Variants in UGT2A2 observed in about 807,000 individuals in gnomAD.
UGT2A2 encodes UDP glucuronosyltransferase family 2 member A2.
Under a neutral mutation model 50.7 loss-of-function variants are expected in UGT2A2, and 60 were observed. That is an observed-to-expected ratio of 1.18 (90% CI 0.96 to 1.47). The LOEUF (loss-of-function observed/expected upper bound fraction) is 1.47, where lower values mean the gene tolerates loss of function less well. UGT2A2 is among the 40% of genes most tolerant of loss of function. UGT2A2 has a pLI of 0.00. For synonymous variants in UGT2A2, 242 were observed against 214.6 expected (o/e 1.13, Z -1.11); for missense variants, 762 against 634.0 (o/e 1.20, Z -2.17).
At chr4:69,617,976 C>T (rs1027507219) in intron 1 of UGT2A2, among the ~76,000 whole-genome samples, 8 of 151,676 alleles carry the variant, frequency 5.3e-5, no homozygotes, top group East Asian at 3.9e-4. Context: ...ATATGTCTTT[C>T]GGAAATCATT....
At chr4:69,611,519 G>C (rs1265210677) in intron 1 of UGT2A2, among the ~76,000 whole-genome samples, 1 of 152,000 alleles carries the variant, frequency 6.6e-6, no homozygotes, top group African/African-American at 2.4e-5. Context: ...TTTAAATGAA[G>C]AGTAATGCTA....
intron 1 of UGT2A2, among the ~76,000 whole-genome samples, chr4:69,629,700 A>G (rs1721283071): frequency 6.6e-6 from 1 of 152,066 alleles, no homozygotes; most frequent in South Asian, 2.1e-4. Context: ...CTACTGGAAG[A>G]GGACCCCTGC....
At chr4:69,620,737 A>T (rs2109935488) in intron 1 of UGT2A2, among the ~76,000 whole-genome samples, 1 of 152,058 alleles carries the variant, frequency 6.6e-6, no homozygotes, top group East Asian at 1.9e-4. Flanking sequence ...TCCAACTTTA[A>T]ACTATACTAC....
chr4:69,625,508 A>G (rs1721004980), intron 1 of UGT2A2, among the ~76,000 whole-genome samples: 2 of 151,128 alleles, frequency 1.3e-5, no homozygotes, highest in Admixed American at 1.3e-4. Flanking sequence ...ATATCTTTAA[A>G]TTCTTTTTTT....
Position 69,596,345 on chromosome 4 carries a change from C to A in UGT2A2, c.928G>T (p.Gly310Cys). 6.2e-7 allele frequency: 1 copy of A among 1,604,412 alleles called. No individual in the cohort carries two copies. Reference sequence around the variant, plus strand: ...GATCCCAGAGAAAACACCACAACACCATTTTTACCTGAGCTCTGGATAAAT... The same window carrying A: ...GATCCCAGAGAAAACACCACAACACAATTTTTACCTGAGCTCTGGATAAAT... ...EEFIQSSGKN[G>C]VVVFSLGSMV... is the part of the protein sequence containing the mutation. Residue 310 changes from glycine (G) to cysteine (C), a missense_variant, in exon 3 of 6, where the codon GGT (glycine) becomes TGT (cysteine). Transcript: ENST00000604629.
rs144768656 is a variant in UGT2A2 at position 69,594,434 on chromosome 4, T to C, written c.1331+43A>G. 94 of 1,600,668 alleles carry C rather than the reference T, an allele frequency of 5.9e-5. No individual in the cohort carries two copies. In the African/African-American group the frequency reaches 1.2e-3, roughly 21 times the overall value. On this transcript the variant is annotated intron_variant, in intron 5 of 5. Coordinates refer to ENST00000604629, the MANE Select transcript of UGT2A2 (RefSeq NM_001105677.2). ...GTACATTTTCTGGTATTATGAATAA[T>C]GTAATTAAAGTTAGGCAAGTTTTTA... is the stretch of plus-strand genomic sequence containing the variant.
chr4:69,635,782 C>A, intron 1 of UGT2A2: 1 of 171,810 alleles, frequency 5.8e-6, no homozygotes, highest in South Asian at 7.4e-5. Flanking sequence ...AGCCAAGATC[C>A]GCCACTGCAC....
rs1230783750 is a variant in UGT2A2 at position 69,594,605 on chromosome 4, G to A, written c.1203C>T (p.Pro401=). ...IYHGVPMVGV[P]MFADQPDNIA... is the part of the protein sequence containing the mutation. ...TGTTATCAGGCTGATCAGCAAACAT[G>A]GGAACTCCCACCATAGGGACTCCGT... Residue 401 remains proline, a synonymous_variant, in exon 5 of 6, where the codon CCC becomes CCT. Coordinates refer to ENST00000604629, the MANE Select transcript of UGT2A2 (RefSeq NM_001105677.2). 2.5e-6 allele frequency: 4 copies of A among 1,614,106 alleles called. No homozygotes were observed. The South Asian group carries it at 3.3e-5, about 13-fold the overall frequency.
chr4:69,610,596 T>G (rs1719977446), intron 1 of UGT2A2, among the ~76,000 whole-genome samples: 1 of 152,212 alleles, frequency 6.6e-6, no homozygotes, highest in African/African-American at 2.4e-5. Context: ...GAAGCCTGAC[T>G]GTATTTGAAG....
At chr4:69,607,917 AC>A (rs2109909542) in intron 1 of UGT2A2, among the ~76,000 whole-genome samples, 1 of 152,318 alleles carries the variant, frequency 6.6e-6, no homozygotes, top group Admixed American at 6.5e-5. Context: ...AAGTCAGGAA[AC>A]AACAGGTGCT....
chr4:69,597,715 AACACAC>A (rs71671445), intron 2 of UGT2A2, among the ~76,000 whole-genome samples: 2 of 150,254 alleles, frequency 1.3e-5, no homozygotes, highest in Non-Finnish European at 3.0e-5. Flanking sequence ...TCATTAAAAT[AACACAC>A]ACACACACAC....
chr4:69,628,287 A>AG (rs1349944712), intron 1 of UGT2A2, among the ~76,000 whole-genome samples: 2 of 151,774 alleles, frequency 1.3e-5, no homozygotes, highest in Non-Finnish European at 2.9e-5. Context: ...GAGCCACAAA[A>AG]AAACAAATAT....
chr4:69,599,382 G>T lies in UGT2A2; in HGVS notation c.755C>A (p.Thr252Lys), dbSNP rs757111881. 25 of 1,613,218 alleles carry T rather than the reference G, an allele frequency of 1.5e-5. No individual in the cohort carries two copies. The highest frequency in any genetic ancestry group is 3.3e-4 in the Middle Eastern group (2 of 6,058). Reference sequence around the variant, plus strand: ...AGCTTTCCCCATAGTCTCACATAACGTAGTGGGTCTTCCTGGAGAAAATGT... The same window carrying T: ...AGCTTTCCCCATAGTCTCACATAACTTAGTGGGTCTTCCTGGAGAAAATGT... ...YYSKILGRPT[T>K]LCETMGKAEI... Residue 252 changes from threonine (T) to lysine (K), a missense_variant, in exon 2 of 6, where the codon ACG becomes AAG. Thr to Lys is a moderately conservative substitution (Grantham distance 78, BLOSUM62 -1). Transcript: ENST00000604629.
intron 1 of UGT2A2, among the ~76,000 whole-genome samples, chr4:69,617,362 C>T (rs371596980): frequency 2.6e-5 from 4 of 151,746 alleles, no homozygotes; most frequent in Admixed American, 6.6e-5. Context: ...ATTTTGTTGA[C>T]GGCGTAAAAA....
chr4:69,639,609 T>C lies in UGT2A2; in HGVS notation c.32A>G (p.Lys11Arg), dbSNP rs2109969943. MVSIRDFTMP[K>R]KFVQMLVFNL... is the part of the protein sequence containing the mutation. ...AAAAACCAGCATCTGGACAAACTTC[T>C]TAGGCATGGTAAAATCCCTTATGGA... is the stretch of plus-strand genomic sequence containing the variant. The change falls in exon 1 of 6, where the codon AAG becomes AGG. Residue 11 changes from lysine (K) to arginine (R), a missense_variant. By Grantham distance (26) the Lys-to-Arg change is conservative. Coordinates refer to ENST00000604629, the MANE Select transcript of UGT2A2 (RefSeq NM_001105677.2). 1.9e-6 allele frequency: 3 copies of C among 1,600,794 alleles called. No individual in the cohort carries two copies. The highest frequency in any genetic ancestry group is 1.7e-4 in the Middle Eastern group (1 of 5,934).
chr4:69,615,590 A>G (rs1560480123), intron 1 of UGT2A2, among the ~76,000 whole-genome samples: 1 of 152,058 alleles, frequency 6.6e-6, no homozygotes, highest in Admixed American at 6.6e-5. Context: ...TCAAAAGAAC[A>G]ACCAACAGGC....
In UGT2A2 at chr4:69,634,915, T is replaced by G. The variant is rs1436567487; in HGVS notation, c.742+3984A>C. ...TATTGTGCTGGAGTGTCTCATTAAC[T>G]GTTAAGAGATTTGTTTTCTTCATGG... On this transcript the variant is annotated intron_variant, in intron 1 of 5. Coordinates refer to ENST00000604629, the MANE Select transcript of UGT2A2 (RefSeq NM_001105677.2). Among the ~76,000 whole-genome samples the G allele has an allele frequency of 3.9e-4, 60 of 152,130 alleles. 1 individual carries two copies. Among genetic ancestry groups the G allele is most frequent in the Admixed American group, 3.9e-3 (60 of 15,276 alleles).
At chr4:69,629,954 T>C (rs1181828874) in intron 1 of UGT2A2, among the ~76,000 whole-genome samples, 1 of 152,102 alleles carries the variant, frequency 6.6e-6, no homozygotes, top group African/African-American at 2.4e-5. Context: ...GAAATTTCTT[T>C]GTAAAATATT....
rs1719502747 is a variant in UGT2A2 at position 69,604,747 on chromosome 4, CA to C, written c.743-5354del. The stretch of plus-strand genomic sequence containing the variant: ...GAAGATCTACCAAGCAAATGGAAAA[CA>C]AAAAAAGGCAGGGGTTGCAATCCTA... On this transcript the variant is annotated intron_variant, in intron 1 of 5. Transcript: ENST00000604629. Among the ~76,000 whole-genome samples, 2 of 135,054 alleles carry C rather than the reference CA, an allele frequency of 1.5e-5. 1 individual carries two copies. The highest frequency in any genetic ancestry group is 3.1e-5 in the Non-Finnish European group (2 of 63,698). 88.6% of individuals were successfully genotyped at this position (135,054 alleles called of 152,430 possible). A position where few individuals can be genotyped will look rare whatever the true frequency, so the allele number is the denominator to read the frequency against.
Sources: gnomAD v4.1 joint callset for allele counts (sites outside exome capture counted in the v4.1 genomes callset) on GRCh38, gnomAD v4.1.1 for gene constraint, MANE v1.5 for transcripts, NCBI Gene and HGNC (gene_info 2026-07-23, HGNC 2026-07-21) for gene names.